The following TBC1D22B variants were observed in gnomAD, a reference collection of about 807,000 sequenced individuals.
The protein encoded by TBC1D22B is TBC1 domain family member 22B.
In TBC1D22B, 32 loss-of-function variants were observed where a neutral mutation model predicts 69.1. That is an observed-to-expected ratio of 0.46 (90% CI 0.35 to 0.62). The LOEUF (loss-of-function observed/expected upper bound fraction) is 0.62. Among genes scored for constraint, TBC1D22B ranks in the 20% least tolerant of loss-of-function variants. The pLI, the probability that TBC1D22B is intolerant of heterozygous loss-of-function variation, is 0.00. For synonymous variants in TBC1D22B, 206 were observed against 229.8 expected (o/e 0.90, Z 0.94); for missense variants, 462 against 630.9 (o/e 0.73, Z 2.87).
intron 8 of TBC1D22B, among the ~76,000 whole-genome samples, chr6:37,296,497 TG>T (rs1767377212): frequency 6.6e-6 from 1 of 151,928 alleles, no homozygotes; most frequent in Admixed American, 6.6e-5. Flanking sequence ...TACAGGGGAG[TG>T]CCATCACATT....
chr6:37,271,118 G>A (rs1395581948), intron 2 of TBC1D22B, among the ~76,000 whole-genome samples: 1 of 152,096 alleles, frequency 6.6e-6, no homozygotes, highest in African/African-American at 2.4e-5. Flanking sequence ...TTTGAGACCA[G>A]CCTGGCCAAC....
chr6:37,300,206 C>T (rs567074963), intron 8 of TBC1D22B, among the ~76,000 whole-genome samples: 53 of 151,902 alleles, frequency 3.5e-4, no homozygotes, highest in Non-Finnish European at 6.8e-4. Flanking sequence ...ATCTTTTCAC[C>T]GATGTGAAAT....
At chr6:37,268,184 A>G (rs942499476) in intron 1 of TBC1D22B, among the ~76,000 whole-genome samples, 20 of 152,138 alleles carry the variant, frequency 1.3e-4, no homozygotes, top group African/African-American at 4.8e-4. Flanking sequence ...TACTTAAACA[A>G]TAGTTTGGCT....
At chr6:37,325,199 T>G (rs1240948557) in intron 12 of TBC1D22B, among the ~76,000 whole-genome samples, 4 of 152,214 alleles carry the variant, frequency 2.6e-5, no homozygotes, top group Non-Finnish European at 4.4e-5. Context: ...CTCAAAGTCC[T>G]TCTCTGCCAT....
intron 12 of TBC1D22B, among the ~76,000 whole-genome samples, chr6:37,329,902 A>G (rs1768531805): frequency 6.6e-6 from 1 of 152,234 alleles, no homozygotes; most frequent in Non-Finnish European, 1.5e-5. Context: ...TTGGCCACAC[A>G]TAGCAGTGAT....
At chr6:37,275,324 C>T (rs934258593) in intron 2 of TBC1D22B, among the ~76,000 whole-genome samples, 1 of 152,030 alleles carries the variant, frequency 6.6e-6, no homozygotes, top group Non-Finnish European at 1.5e-5. Context: ...TAAGTCTTTT[C>T]CTACAAGTTG....
intron 8 of TBC1D22B, among the ~76,000 whole-genome samples, chr6:37,303,527 T>C (rs1395754420): frequency 6.6e-6 from 1 of 152,134 alleles, no homozygotes; most frequent in East Asian, 1.9e-4. Flanking sequence ...CCCCCGGTTT[T>C]ATCTCCTTCA....
At chr6:37,304,534 T>A (rs751019552) in intron 8 of TBC1D22B, among the ~76,000 whole-genome samples, 1 of 152,178 alleles carries the variant, frequency 6.6e-6, no homozygotes. Context: ...CCAAAAAATA[T>A]ATATATTGTA....
intron 6 of TBC1D22B, among the ~76,000 whole-genome samples, chr6:37,285,868 C>T (rs1019169472): frequency 2.8e-4 from 43 of 152,166 alleles, no homozygotes; most frequent in African/African-American, 9.9e-4. Flanking sequence ...GTGATCCACC[C>T]GCCTCAGCCT....
chr6:37,287,155 ATAG>A, intron 7 of TBC1D22B, 83 bp downstream of exon 7: 1 of 1,064,690 alleles, frequency 9.4e-7, no homozygotes, highest in Non-Finnish European at 1.4e-6. Context: ...GCTAATCATA[ATAG>A]TACCTTATGT....
intron 12 of TBC1D22B, among the ~76,000 whole-genome samples, chr6:37,326,092 G>T (rs1373099635): frequency 1.3e-5 from 2 of 152,154 alleles, no homozygotes; most frequent in Non-Finnish European, 2.9e-5. Context: ...TCAACAAAGA[G>T]TATTCTCGGC....
chr6:37,294,554 G>T (rs2113757009), intron 8 of TBC1D22B, among the ~76,000 whole-genome samples: 1 of 152,300 alleles, frequency 6.6e-6, no homozygotes, highest in East Asian at 1.9e-4. Flanking sequence ...CTTGTTAGGG[G>T]CTAAGGCAGC....
chr6:37,311,790 G>A (rs1483390732), intron 8 of TBC1D22B, among the ~76,000 whole-genome samples: 2 of 152,280 alleles, frequency 1.3e-5, no homozygotes, highest in African/African-American at 4.8e-5. Flanking sequence ...AATAGGGGTT[G>A]TGGGTCTGAG....
intron 7 of TBC1D22B, among the ~76,000 whole-genome samples, chr6:37,288,604 GTGTGCCTGTGCTAC>G (rs1007275404): frequency 2.6e-5 from 4 of 152,086 alleles, no homozygotes; most frequent in African/African-American, 7.2e-5. Flanking sequence ...GCATGGTGGT[GTGTGCCTGTGCTAC>G]TGTGCCTGTG....
chr6:37,286,441 G>A (rs1474836482), intron 6 of TBC1D22B, among the ~76,000 whole-genome samples: 2 of 151,052 alleles, frequency 1.3e-5, no homozygotes, highest in African/African-American at 4.9e-5. Context: ...TCGGCCTCCC[G>A]AGTAGCTGGG....
chr6:37,265,579 CCT>C (rs1766245434), intron 1 of TBC1D22B, among the ~76,000 whole-genome samples: 1 of 151,440 alleles, frequency 6.6e-6, no homozygotes, highest in South Asian at 2.1e-4. Context: ...ACACCCCCTT[CCT>C]CTCTCAGCAG....
chr6:37,319,755 A>C (rs773603886), intron 12 of TBC1D22B, among the ~76,000 whole-genome samples: 2 of 152,234 alleles, frequency 1.3e-5, no homozygotes, highest in Non-Finnish European at 2.9e-5. Flanking sequence ...AATTCTATGA[A>C]TGATAAAAGA....
rs1308901792 is a variant in TBC1D22B at position 37,286,991 on chromosome 6, G to T, written c.802-16G>T. 1.3e-6 allele frequency: 2 copies of T among 1,587,100 alleles called. No individual in the cohort carries two copies. The highest frequency in any genetic ancestry group is 1.4e-5 in the African/African-American group (1 of 72,688). On this transcript the variant is annotated splice_polypyrimidine_tract_variant and intron_variant, in intron 6 of 12. Coordinates refer to ENST00000373491, the MANE Select transcript of TBC1D22B (RefSeq NM_017772.4). ...AACTGGCATTTGTGTTTTTGGACAT[G>T]CCTTCTCTTTTTCAGATTCACATTG... is the stretch of plus-strand genomic sequence containing the variant.
At chr6:37,297,394 A>G (rs920038299) in intron 8 of TBC1D22B, among the ~76,000 whole-genome samples, 11 of 152,196 alleles carry the variant, frequency 7.2e-5, no homozygotes, top group African/African-American at 2.7e-4. Flanking sequence ...AAAGTACTTT[A>G]CTATTTGCAA....
Sources: allele counts gnomAD v4.1 joint callset (sites outside exome capture counted in the v4.1 genomes callset), GRCh38; gene constraint gnomAD v4.1.1; transcripts MANE v1.5; gene names NCBI Gene and HGNC (gene_info 2026-07-23, HGNC 2026-07-21).